The following DNAJA3 variants were observed in gnomAD, a reference collection of about 807,000 sequenced individuals.
DNAJA3 encodes the protein DnaJ heat shock protein family (Hsp40) member A3, also known as dnaJ homolog subfamily A member 3, mitochondrial.
A neutral mutation model predicts 54.9 loss-of-function variants in DNAJA3; 29 were observed. The observed-to-expected ratio is 0.53, with a 90% confidence interval of 0.39 to 0.72. The LOEUF (loss-of-function observed/expected upper bound fraction) is 0.72. Among genes scored for constraint, DNAJA3 ranks in the 30% least tolerant of loss-of-function variants. DNAJA3 has a pLI of 0.00. For missense variants in DNAJA3, 708 were observed against 639.4 expected (o/e 1.11, Z -1.16); for synonymous variants, 302 against 251.4 (o/e 1.20, Z -1.90).
In DNAJA3 at chr16:4,443,180, C is replaced by T. The variant is rs780253839; in HGVS notation, c.931+16C>T. On this transcript the variant is annotated intron_variant, in intron 6 of 11. Coordinates refer to ENST00000262375, the MANE Select transcript of DNAJA3 (RefSeq NM_005147.6). ...GTGCCTGCAGGTGGGTGCTTGGGCC[C>T]GCCATGTCCAGGAGCTTGGAGAGGG... 1.2e-5 allele frequency: 19 copies of T among 1,613,298 alleles called. No individual in the cohort carries two copies. Among genetic ancestry groups the T allele is most frequent in the African/African-American group, 2.7e-5 (2 of 74,818 alleles).
chr16:4,448,499 A>G (rs2056933444), intron 8 of DNAJA3, among the ~76,000 whole-genome samples: 1 of 151,172 alleles, frequency 6.6e-6, no homozygotes, highest in Non-Finnish European at 1.5e-5. Flanking sequence ...GCACGTTACC[A>G]TGCCCTGCTG....
intron 3 of DNAJA3, among the ~76,000 whole-genome samples, chr16:4,438,570 T>A (rs1041223336): frequency 5.3e-5 from 8 of 151,914 alleles, no homozygotes; most frequent in African/African-American, 1.9e-4. Context: ...TGAAAACAGC[T>A]ATTGACCCCA....
At position 4,448,814 on chromosome 16, in the gene DNAJA3, G is replaced by A; in HGVS notation, c.1207G>A (p.Asp403Asn). The change falls in exon 9 of 12, where the codon GAC becomes AAC. Residue 403 changes from aspartate (D) to asparagine (N), a missense_variant. Transcript: ENST00000262375. ...IPRINSYGYG[D>N]HYIHIKIRVP... ...CCGGATTAACAGCTACGGCTACGGA[G>A]ACCACTACATCCACATCAAGATACG... The A allele has an allele frequency of 1.2e-6, 2 of 1,614,074 alleles. No individual in the cohort carries two copies. The highest frequency in any genetic ancestry group is 1.7e-6 in the Non-Finnish European group (2 of 1,179,978).
intron 1 of DNAJA3, chr16:4,426,871 A>G (rs539818429): frequency 6.6e-6 from 1 of 152,242 alleles, no homozygotes; most frequent in South Asian, 2.1e-4. Flanking sequence ...GATGACACTG[A>G]ATTATACATT....
intron 7 of DNAJA3, 76 bp from the exon 8 acceptor site, chr16:4,446,810 G>A: frequency 6.3e-7 from 1 of 1,578,126 alleles, no homozygotes; most frequent in Non-Finnish European, 8.6e-7. Context: ...CTGAGCTTGG[G>A]CCTGGCCAGG....
chr16:4,429,602 A>G (rs866708984), intron 1 of DNAJA3, among the ~76,000 whole-genome samples: 5 of 152,140 alleles, frequency 3.3e-5, no homozygotes, highest in East Asian at 1.9e-4. Context: ...TGGGAGGCCT[A>G]TGCGGGCGGA....
At chr16:4,441,908 T>A (rs918878597) in intron 4 of DNAJA3, among the ~76,000 whole-genome samples, 3 of 152,220 alleles carry the variant, frequency 2.0e-5, no homozygotes, top group African/African-American at 7.2e-5. Flanking sequence ...CTCTCATTTA[T>A]GTCCTTATAA....
At chr16:4,437,318 G>A (rs2056783340) in intron 2 of DNAJA3, 84 bp from the exon 3 acceptor site, 4 of 1,153,166 alleles carry the variant, frequency 3.5e-6, no homozygotes, top group South Asian at 2.6e-5. Flanking sequence ...GGTATTTGGG[G>A]TTCTGTTGTA....
rs984417808 is a variant in DNAJA3, at chr16:4,448,710, C to A, written c.1126-23C>A. On this transcript the variant is annotated intron_variant, in intron 8 of 11. Coordinates refer to ENST00000262375, the MANE Select transcript of DNAJA3 (RefSeq NM_005147.6). ...TTGAGCAACTGGGGACCAGGGGAAACCACAGATTTTCTTTCTTTATAGATC... is the reference window on the plus strand; with the variant it reads ...TTGAGCAACTGGGGACCAGGGGAAAACACAGATTTTCTTTCTTTATAGATC... 8 of 1,576,702 alleles carry A rather than the reference C, an allele frequency of 5.1e-6. No individual in the cohort carries two copies. The African/African-American group carries it at 5.4e-5, about 11-fold the overall frequency.
chr16:4,455,595 G>A lies in DNAJA3; in HGVS notation c.*63G>A. 6.4e-7 allele frequency: 1 copy of A among 1,551,684 alleles called. No individual in the cohort carries two copies. The highest frequency in any genetic ancestry group is 8.7e-7 in the Non-Finnish European group (1 of 1,146,930). On this transcript the variant is annotated 3_prime_UTR_variant, in exon 12 of 12. Transcript: ENST00000262375. The stretch of plus-strand genomic sequence containing the variant: ...CCGGGAAGCAGCAGCCCCTCCAAGG[G>A]CCAGGGCACCTGGGAGACGGGAGGA...
Position 4,448,785 on chromosome 16 carries a change from T to C in DNAJA3, c.1178T>C (p.Ile393Thr), listed in dbSNP as rs2056938454. The C allele has an allele frequency of 1.3e-5, 21 of 1,613,912 alleles. No individual in the cohort carries two copies. Among genetic ancestry groups the C allele is most frequent in the Non-Finnish European group, 1.8e-5 (21 of 1,179,998 alleles). The change falls in exon 9 of 12, where the codon ATC becomes ACC. Residue 393 changes from isoleucine to threonine, a missense_variant. Physicochemically the swap from Ile to Thr is moderately conservative, Grantham distance 89. Coordinates refer to ENST00000262375, the MANE Select transcript of DNAJA3 (RefSeq NM_005147.6). ...AAGATTCGGATGGGTGGGAAAGGCA[T>C]CCCCCGGATTAACAGCTACGGCTAC... ...DQKIRMGGKG[I>T]PRINSYGYGD...
At chr16:4,447,235 C>G in intron 8 of DNAJA3, 1 of 552,196 alleles carries the variant, frequency 1.8e-6, no homozygotes, top group Non-Finnish European at 3.2e-6. Context: ...TGGCTGGCAT[C>G]ACTCCCACAC....
intron 3 of DNAJA3, 155 bp downstream of exon 3, chr16:4,437,640 A>T: frequency 1.6e-6 from 1 of 628,828 alleles, no homozygotes; most frequent in East Asian, 2.8e-5. Flanking sequence ...ATAAAAAAAA[A>T]GAGATTCCAG....
At chr16:4,441,771 A>G (rs894309393) in intron 4 of DNAJA3, among the ~76,000 whole-genome samples, 196 bp downstream of exon 4, 2 of 152,198 alleles carry the variant, frequency 1.3e-5, no homozygotes, top group Admixed American at 1.3e-4. Flanking sequence ...TTCTGATGGT[A>G]TTCTTAACAG....
intron 8 of DNAJA3, among the ~76,000 whole-genome samples, chr16:4,448,354 C>T (rs1220378241): frequency 6.6e-6 from 1 of 150,632 alleles, no homozygotes; most frequent in South Asian, 2.1e-4. Flanking sequence ...TCCACCACCG[C>T]TCTGCCGAGA....
Position 4,427,588 on chromosome 16 carries a change from G to T in DNAJA3, c.211+1496G>T, listed in dbSNP as rs189900060. Among the ~76,000 whole-genome samples the T allele has an allele frequency of 2.0e-4, 31 of 152,322 alleles. 1 individual carries two copies. Among genetic ancestry groups the T allele is most frequent in the Admixed American group, 8.5e-4 (13 of 15,292 alleles). On this transcript the variant is annotated intron_variant, in intron 1 of 11. Transcript: ENST00000262375. ...TCACAGGTGTTAATTGAGGCCAATT[G>T]TATGCCAGCCACTGTTCTGGGCACT...
At chr16:4,426,704 T>C (rs1485527973) in intron 1 of DNAJA3, among the ~76,000 whole-genome samples, 1 of 152,172 alleles carries the variant, frequency 6.6e-6, no homozygotes, top group African/African-American at 2.4e-5. Context: ...AGTCAGACAT[T>C]TATTGAGCAC....
At chr16:4,449,043 C>CTGGA (rs1191334227) in intron 9 of DNAJA3, among the ~76,000 whole-genome samples, 195 bp downstream of exon 9, 13 of 152,220 alleles carry the variant, frequency 8.5e-5, no homozygotes, top group African/African-American at 3.1e-4. Context: ...GTCCCCCAGG[C>CTGGA]TGGAGTGCAG....
chr16:4,450,628 A>T, intron 10 of DNAJA3, 131 bp downstream of exon 10: 1 of 682,928 alleles, frequency 1.5e-6, no homozygotes, highest in Non-Finnish European at 2.4e-6. Context: ...TGCAGTTGAA[A>T]GAGGGGGGCT....
Sources: gnomAD v4.1 joint callset for allele counts (sites outside exome capture counted in the v4.1 genomes callset) on GRCh38, gnomAD v4.1.1 for gene constraint, MANE v1.5 for transcripts, NCBI Gene and HGNC (gene_info 2026-07-23, HGNC 2026-07-21) for gene names.